RGL1: variants seen among roughly 807,000 people sequenced by gnomAD.
RGL1 encodes the protein ral guanine nucleotide dissociation stimulator-like 1.
A neutral mutation model predicts 95.2 loss-of-function variants in RGL1; 24 were observed. The observed-to-expected ratio is 0.25, with a 90% CI of 0.18 to 0.35. The LOEUF is 0.35. Among genes scored for constraint, RGL1 ranks in the 10% least tolerant of loss-of-function variants. The probability of loss-of-function intolerance (pLI) is 1.00; values close to 1 mark genes in which losing one functional copy is unlikely to be tolerated. For missense variants in RGL1, 715 were observed against 936.3 expected (o/e 0.76, Z 3.08); for synonymous variants, 329 against 344.9 (o/e 0.95, Z 0.51).
At position 183,880,716 on chromosome 1, in the gene RGL1, A is replaced by G. The variant is rs1459265984; in HGVS notation, c.526A>G (p.Thr176Ala). The change falls in exon 5 of 18, where the codon ACA becomes GCA. Residue 176 changes from threonine (T) to alanine (A), a missense_variant. By Grantham distance (58) the Thr-to-Ala change is moderately conservative. Coordinates refer to ENST00000360851, the MANE Select transcript of RGL1 (RefSeq NM_001297671.3). Reference protein sequence around the residue: ...PCLQKLLDYLTRMMPGSDPER... With the variant: ...PCLQKLLDYLARMMPGSDPER... Reference sequence around the variant, plus strand: ...CTTACAGAAACTGCTGGATTATCTCACACGGATGATGCCGGGCTCTGACCC... The same window carrying G: ...CTTACAGAAACTGCTGGATTATCTCGCACGGATGATGCCGGGCTCTGACCC... 1 of 1,610,470 alleles carries G rather than the reference A, an allele frequency of 6.2e-7. No individual in the cohort carries two copies. The highest frequency in any genetic ancestry group is 8.5e-7 in the Non-Finnish European group (1 of 1,176,752).
intron 15 of RGL1, among the ~76,000 whole-genome samples, chr1:183,916,021 T>C (rs2102742381): frequency 6.6e-6 from 1 of 152,338 alleles, no homozygotes; most frequent in African/African-American, 2.4e-5. Context: ...CTTCTAAAAA[T>C]ACAGAACTTT....
chr1:183,875,310 A>G (rs568616905), intron 4 of RGL1, among the ~76,000 whole-genome samples: 4 of 152,218 alleles, frequency 2.6e-5, no homozygotes, highest in Non-Finnish European at 4.4e-5. Context: ...AAAAATTTGT[A>G]TTAAACATTT....
At chr1:183,870,396 G>T in intron 4 of RGL1, among the ~76,000 whole-genome samples, 1 of 113,486 alleles carries the variant, frequency 8.8e-6, no homozygotes, top group Non-Finnish European at 1.9e-5. Flanking sequence ...TTCCGGCCAG[G>T]GTAGTTGTCT....
chr1:183,682,781 AC>A (rs1343686828), intron 1 of RGL1, among the ~76,000 whole-genome samples: 1 of 152,138 alleles, frequency 6.6e-6, no homozygotes, highest in Non-Finnish European at 1.5e-5. Flanking sequence ...AAGTTCTCCC[AC>A]TATTATTGTG....
At chr1:183,888,054 C>T (rs1667217514) in intron 7 of RGL1, among the ~76,000 whole-genome samples, 1 of 152,042 alleles carries the variant, frequency 6.6e-6, no homozygotes, top group Non-Finnish European at 1.5e-5. Context: ...TGTTCAATAC[C>T]ATCTGACCTC....
intron 2 of RGL1, among the ~76,000 whole-genome samples, chr1:183,829,579 G>C (rs913819137): frequency 6.6e-6 from 1 of 151,700 alleles, no homozygotes; most frequent in African/African-American, 2.4e-5. Flanking sequence ...CATTCATCAT[G>C]ATATACTCAT....
intron 1 of RGL1, among the ~76,000 whole-genome samples, chr1:183,728,926 A>T (rs1370613301): frequency 6.6e-6 from 1 of 152,210 alleles, no homozygotes; most frequent in Non-Finnish European, 1.5e-5. Context: ...ACAACTTGTT[A>T]TCCACATTTA....
chr1:183,693,817 T>A (rs1309307631), intron 1 of RGL1, among the ~76,000 whole-genome samples: 1 of 152,172 alleles, frequency 6.6e-6, no homozygotes, highest in Non-Finnish European at 1.5e-5. Flanking sequence ...GAGTTAGAAT[T>A]GAGACAGGCA....
intron 2 of RGL1, among the ~76,000 whole-genome samples, chr1:183,834,262 C>G (rs911659438): frequency 1.3e-5 from 2 of 151,946 alleles, no homozygotes; most frequent in Non-Finnish European, 2.9e-5. Context: ...CAAAAACAAC[C>G]AAATCAAAAG....
chr1:183,759,089 C>T (rs1433671503), intron 2 of RGL1, among the ~76,000 whole-genome samples: 1 of 152,118 alleles, frequency 6.6e-6, no homozygotes, highest in Non-Finnish European at 1.5e-5. Flanking sequence ...TGTGTTCCTT[C>T]TGAGCTTGGT....
chr1:183,661,725 G>A (rs149493635), intron 1 of RGL1, among the ~76,000 whole-genome samples: 17 of 150,054 alleles, frequency 1.1e-4, no homozygotes, highest in Admixed American at 1.1e-3. Flanking sequence ...GCATCATCCT[G>A]ATATCAAAGC....
chr1:183,811,591 A>C (rs991491268), intron 2 of RGL1, among the ~76,000 whole-genome samples: 1 of 152,252 alleles, frequency 6.6e-6, no homozygotes, highest in African/African-American at 2.4e-5. Flanking sequence ...TTTTAAAATT[A>C]TTAATCCACT....
At chr1:183,791,300 C>T (rs1660431465) in intron 2 of RGL1, among the ~76,000 whole-genome samples, 1 of 152,212 alleles carries the variant, frequency 6.6e-6, no homozygotes. Context: ...ATACAATCCA[C>T]AGTTGATTTT....
chr1:183,757,423 T>A (rs903151471), intron 2 of RGL1, among the ~76,000 whole-genome samples: 11 of 152,214 alleles, frequency 7.2e-5, no homozygotes, highest in African/African-American at 2.7e-4. Flanking sequence ...TGCTGAATTG[T>A]GGTTTGATGA....
intron 1 of RGL1, among the ~76,000 whole-genome samples, chr1:183,658,421 C>T (rs190521180): frequency 0.013 from 1,979 of 152,296 alleles, 55 homozygotes; most frequent in African/African-American, 0.046. Context: ...GCACCTGGCT[C>T]GGAGGGTCCT....
chr1:183,900,032 A>G, intron 10 of RGL1, 118 bp from the exon 11 acceptor site: 1 of 667,756 alleles, frequency 1.5e-6, no homozygotes, highest in East Asian at 2.6e-5. Context: ...CATGGAGGTT[A>G]GCACCACTGG....
chr1:183,730,042 GTGGTAACA>G (rs1656538066), intron 1 of RGL1, among the ~76,000 whole-genome samples: 1 of 152,160 alleles, frequency 6.6e-6, no homozygotes, highest in African/African-American at 2.4e-5. Context: ...GACTTTAGCA[GTGGTAACA>G]TGGGTGTATA....
chr1:183,906,175 A>C (rs1048608960), intron 13 of RGL1, among the ~76,000 whole-genome samples: 1 of 152,228 alleles, frequency 6.6e-6, no homozygotes, highest in African/African-American at 2.4e-5. Flanking sequence ...TTTGGATTCA[A>C]ACTCAGGTCT....
chr1:183,788,532 G>A (rs114954378), intron 2 of RGL1, among the ~76,000 whole-genome samples: 1,990 of 152,262 alleles, frequency 0.013, 29 homozygotes, highest in Non-Finnish European at 0.019. Flanking sequence ...CAGTCAAGTT[G>A]ACACATAAAA....
Sources: gnomAD v4.1 joint callset for allele counts (sites outside exome capture counted in the v4.1 genomes callset) on GRCh38, gnomAD v4.1.1 for gene constraint, MANE v1.5 for transcripts, NCBI Gene and HGNC (gene_info 2026-07-23, HGNC 2026-07-21) for gene names.